Variants in NPAS2 observed in about 807,000 individuals in gnomAD.
The protein encoded by NPAS2 is neuronal PAS domain protein 2, also known as neuronal PAS domain-containing protein 2.
Under a neutral mutation model 107.5 loss-of-function variants are expected in NPAS2, and 23 were observed. That is an observed-to-expected ratio of 0.21 (90% CI 0.15 to 0.30). The LOEUF (loss-of-function observed/expected upper bound fraction) is 0.30, where lower values mean the gene tolerates loss of function less well. Among genes scored for constraint, NPAS2 ranks in the 10% least tolerant of loss-of-function variants. The pLI is 1.00. For missense variants in NPAS2, 756 were observed against 1,043.3 expected (o/e 0.72, Z 3.79); for synonymous variants, 403 against 417.5 (o/e 0.97, Z 0.42).
At chr2:100,981,461 G>GGAGAC (rs1369256732) in intron 15 of NPAS2, among the ~76,000 whole-genome samples, 1 of 152,160 alleles carries the variant, frequency 6.6e-6, no homozygotes, top group African/African-American at 2.4e-5. Flanking sequence ...CTGTGTTGAG[G>GGAGAC]GAGACGGGAC....
At chr2:100,859,164 A>T (rs1678777029) in intron 1 of NPAS2, among the ~76,000 whole-genome samples, 1 of 152,174 alleles carries the variant, frequency 6.6e-6, no homozygotes, top group African/African-American at 2.4e-5. Context: ...AGGTGGCTGA[A>T]AGGCATGAGA....
chr2:100,821,644 T>G (rs904395013), intron 1 of NPAS2, among the ~76,000 whole-genome samples: 2 of 152,234 alleles, frequency 1.3e-5, no homozygotes, highest in South Asian at 2.1e-4. Context: ...CATCTCTCTC[T>G]CACTGTAGCT....
intron 7 of NPAS2, among the ~76,000 whole-genome samples, chr2:100,952,151 C>T (rs1003730091): frequency 1.5e-5 from 1 of 66,798 alleles, no homozygotes; most frequent in African/African-American, 5.6e-5. Flanking sequence ...GACTCTGTCT[C>T]AAAAAAAAAA....
At chr2:100,844,784 C>G (rs1677668916) in intron 1 of NPAS2, among the ~76,000 whole-genome samples, 1 of 152,148 alleles carries the variant, frequency 6.6e-6, no homozygotes, top group Admixed American at 6.6e-5. Context: ...AGTTGCGCCT[C>G]TTTCCAGAGC....
At chr2:100,900,348 A>G (rs1357296866) in intron 1 of NPAS2, among the ~76,000 whole-genome samples, 1 of 152,232 alleles carries the variant, frequency 6.6e-6, no homozygotes, top group Non-Finnish European at 1.5e-5. Flanking sequence ...CTGCATCATT[A>G]GTCATCAGGG....
At chr2:100,852,855 G>A (rs946036972) in intron 1 of NPAS2, among the ~76,000 whole-genome samples, 3 of 152,050 alleles carry the variant, frequency 2.0e-5, no homozygotes, top group Non-Finnish European at 2.9e-5. Context: ...CTGCAGGGGC[G>A]TTCAGTGCTT....
intron 2 of NPAS2, among the ~76,000 whole-genome samples, chr2:100,916,912 T>G (rs190214139): frequency 6.6e-6 from 1 of 152,202 alleles, no homozygotes; most frequent in East Asian, 1.9e-4. Flanking sequence ...AACAACAAAC[T>G]GTGTAGTAAT....
At chr2:100,980,969 TG>T (rs2105274365) in intron 15 of NPAS2, among the ~76,000 whole-genome samples, 1 of 113,484 alleles carries the variant, frequency 8.8e-6, no homozygotes, top group South Asian at 3.1e-4. Context: ...TGCAGCCTCT[TG>T]GGGTGGCATG....
chr2:100,846,242 A>G (rs981613601), intron 1 of NPAS2, among the ~76,000 whole-genome samples: 1 of 152,268 alleles, frequency 6.6e-6, no homozygotes, highest in Non-Finnish European at 1.5e-5. Flanking sequence ...CAAGGGAGAC[A>G]CTGGAATCTT....
rs554840345 is a variant in NPAS2 at position 100,940,932 on chromosome 2, CAG to C, written c.363+3091_363+3092del. Among the ~76,000 whole-genome samples the C allele has an allele frequency of 5.3e-5, 8 of 152,246 alleles. No individual in the cohort carries two copies. In the South Asian group the frequency reaches 1.2e-3, roughly 24 times the overall value. On this transcript the variant is annotated intron_variant, in intron 5 of 20. Transcript: ENST00000335681. ...GGTGGAGGTCGGGACACAGGGTAGT[CAG>C]GGGGCAGGAGGCTGTGGGCCCCAGC... is the stretch of plus-strand genomic sequence containing the variant.
intron 1 of NPAS2, among the ~76,000 whole-genome samples, chr2:100,842,224 A>G (rs1238162046): frequency 1.3e-5 from 2 of 152,186 alleles, no homozygotes; most frequent in East Asian, 1.9e-4. Context: ...GCCCAGACTC[A>G]TGAGGCTTTC....
intron 5 of NPAS2, 104 bp downstream of exon 5, chr2:100,937,946 G>T (rs1295666899): frequency 7.6e-6 from 7 of 925,476 alleles, no homozygotes; most frequent in Non-Finnish European, 1.3e-5. Flanking sequence ...GGGGGCTGCA[G>T]GTGAGAAGAG....
intron 7 of NPAS2, among the ~76,000 whole-genome samples, chr2:100,951,373 T>C (rs1675213904): frequency 6.6e-6 from 1 of 152,228 alleles, no homozygotes; most frequent in Non-Finnish European, 1.5e-5. Flanking sequence ...ACTTGAGAGA[T>C]ATTTGCACAC....
At chr2:100,975,989 A>G (rs968137658) in intron 14 of NPAS2, among the ~76,000 whole-genome samples, 1 of 152,156 alleles carries the variant, frequency 6.6e-6, no homozygotes, top group Admixed American at 6.5e-5. Flanking sequence ...CATGTGCCAG[A>G]TCCTTCCAGA....
chr2:100,988,418 G>C, intron 17 of NPAS2, 142 bp downstream of exon 17: 1 of 684,870 alleles, frequency 1.5e-6, no homozygotes, highest in Non-Finnish European at 2.5e-6. Context: ...AGATTTGGGA[G>C]TGAGCCTTCT....
intron 1 of NPAS2, among the ~76,000 whole-genome samples, chr2:100,890,740 A>C (rs1025335012): frequency 6.6e-6 from 1 of 152,158 alleles, no homozygotes; most frequent in African/African-American, 2.4e-5. Flanking sequence ...TGTTAAATCT[A>C]ATACATCATA....
chr2:100,981,568 T>C (rs1173993981), intron 15 of NPAS2, among the ~76,000 whole-genome samples: 1 of 152,164 alleles, frequency 6.6e-6, no homozygotes, highest in Admixed American at 6.5e-5. Flanking sequence ...ACAATCACCG[T>C]GTCTTTACCC....
intron 1 of NPAS2, chr2:100,901,670 T>G (rs1681788794): frequency 2.7e-6 from 1 of 373,964 alleles, no homozygotes; most frequent in East Asian, 1.6e-4. Flanking sequence ...GGCCGCCTCC[T>G]ATGGGACACA....
rs777322906 is a variant in NPAS2 at position 100,993,336 on chromosome 2, A to G, written c.2112-11A>G. The G allele has an allele frequency of 6.4e-7, 1 of 1,554,758 alleles. No homozygotes were observed. Among genetic ancestry groups the G allele is most frequent in the Non-Finnish European group, 8.7e-7 (1 of 1,145,076 alleles). ...TTAAAGGACCTGTTTTCTCCTTCCC[A>G]CGTGAAACAGGTACGCCCAGAGCCA... On this transcript the variant is annotated splice_polypyrimidine_tract_variant and intron_variant, in intron 19 of 20. Transcript: ENST00000335681.
Sources: gnomAD v4.1 joint callset for allele counts (sites outside exome capture counted in the v4.1 genomes callset) on GRCh38, gnomAD v4.1.1 for gene constraint, MANE v1.5 for transcripts, NCBI Gene and HGNC (gene_info 2026-07-23, HGNC 2026-07-21) for gene names.